The following KCNN2 variants were observed in gnomAD, a reference collection of about 807,000 sequenced individuals.
KCNN2 encodes potassium calcium-activated channel subfamily N member 2.
KCNN2 carries 24 observed loss-of-function variants against 55.5 expected under a neutral mutation model. The observed-to-expected ratio is 0.43, with a 90% confidence interval of 0.31 to 0.61. The LOEUF (loss-of-function observed/expected upper bound fraction) is 0.61, where lower values mean the gene tolerates loss of function less well. Ranked by LOEUF, KCNN2 falls within the 20% of genes least tolerant of loss-of-function variation. KCNN2 has a pLI of 0.08. For synonymous variants in KCNN2, 431 were observed against 336.1 expected, an observed-to-expected ratio of 1.28 and a Z score of -3.09; for missense variants, 754 against 853.6, an observed-to-expected ratio of 0.88 and a Z score of 1.45.
At chr5:114,424,280 T>C (rs752071938) in intron 3 of KCNN2, among the ~76,000 whole-genome samples, 3 of 152,198 alleles carry the variant, frequency 2.0e-5, no homozygotes, top group Non-Finnish European at 4.4e-5. Flanking sequence ...CCTGCAGGCT[T>C]GTTAAAAAGG....
chr5:114,082,680 T>C (rs1049757718), intron 1 of KCNN2, among the ~76,000 whole-genome samples: 4 of 152,148 alleles, frequency 2.6e-5, no homozygotes, highest in African/African-American at 9.7e-5. Flanking sequence ...TAAGTAACCA[T>C]CAGCAGATGA....
intron 2 of KCNN2, among the ~76,000 whole-genome samples, chr5:114,259,867 A>G (rs1213632157): frequency 6.6e-6 from 1 of 152,144 alleles, no homozygotes; most frequent in Non-Finnish European, 1.5e-5. Context: ...TTGATAGGCT[A>G]TTCAACTTAT....
At chr5:114,212,464 T>C (rs1212825902) in intron 1 of KCNN2, among the ~76,000 whole-genome samples, 1 of 152,090 alleles carries the variant, frequency 6.6e-6, no homozygotes, top group Non-Finnish European at 1.5e-5. Flanking sequence ...GTGGCGATGG[T>C]TAAACAATCT....
chr5:114,157,650 C>A (rs956543594), intron 1 of KCNN2, among the ~76,000 whole-genome samples: 2 of 152,170 alleles, frequency 1.3e-5, no homozygotes, highest in African/African-American at 4.8e-5. Flanking sequence ...TGTTTCTCCA[C>A]ATCCTCTCCA....
intron 2 of KCNN2, among the ~76,000 whole-genome samples, chr5:114,388,970 A>G (rs1451943477): frequency 1.3e-5 from 2 of 152,112 alleles, no homozygotes; most frequent in Non-Finnish European, 2.9e-5. Flanking sequence ...GAGGCTTTGC[A>G]TTGTGTTGTA....
chr5:114,414,813 AAAC>A (rs1759256019), intron 3 of KCNN2, among the ~76,000 whole-genome samples: 1 of 152,198 alleles, frequency 6.6e-6, no homozygotes, highest in African/African-American at 2.4e-5. Context: ...TCATTTTTTA[AAAC>A]AACTTTATTG....
At position 114,436,342 on chromosome 5, in the gene KCNN2, G is replaced by T. The variant is rs566160804; in HGVS notation, c.1638-26707G>T. Among the ~76,000 whole-genome samples the T allele has an allele frequency of 1.4e-3, 210 of 152,306 alleles. 1 individual carries two copies. The highest frequency in any genetic ancestry group is 4.7e-3 in the African/African-American group (195 of 41,578). ...CAACTATGAGATAGTCTGTAACACA[G>T]TTTTTTGGATTTTAGTGTATAATCA... On this transcript the variant is annotated intron_variant, in intron 3 of 7. Coordinates refer to ENST00000673685, the MANE Select transcript of KCNN2 (RefSeq NM_021614.4).
intron 2 of KCNN2, among the ~76,000 whole-genome samples, chr5:114,228,527 G>T (rs984523951): frequency 2.0e-5 from 3 of 151,966 alleles, no homozygotes; most frequent in African/African-American, 7.2e-5. Flanking sequence ...CTGCTTCTGG[G>T]AAAAATGCAG....
intron 2 of KCNN2, among the ~76,000 whole-genome samples, chr5:114,373,650 A>ATT (rs1757838743): frequency 1.1e-4 from 12 of 110,472 alleles, no homozygotes; most frequent in Non-Finnish European, 2.1e-4. Flanking sequence ...TTATATATAT[A>ATT]TATATATAAA....
At chr5:114,319,888 ACT>A (rs1234954187) in intron 2 of KCNN2, among the ~76,000 whole-genome samples, 1 of 151,854 alleles carries the variant, frequency 6.6e-6, no homozygotes, top group East Asian at 1.9e-4. Context: ...GCTTACAGAA[ACT>A]CTCCATTTTC....
chr5:114,096,295 C>T (rs987023630), intron 1 of KCNN2, among the ~76,000 whole-genome samples: 9 of 152,066 alleles, frequency 5.9e-5, no homozygotes, highest in Admixed American at 1.3e-4. Flanking sequence ...GCAATCTATT[C>T]GTATATGGAG....
intron 3 of KCNN2, among the ~76,000 whole-genome samples, chr5:114,450,010 C>T (rs575837578): frequency 2.4e-4 from 36 of 152,272 alleles, no homozygotes; most frequent in African/African-American, 7.0e-4. Context: ...TCACAGCCCT[C>T]CTCTAGCACT....
intron 6 of KCNN2, among the ~76,000 whole-genome samples, chr5:114,490,247 C>T (rs559780454): frequency 6.6e-6 from 1 of 152,310 alleles, no homozygotes; most frequent in South Asian, 2.1e-4. Context: ...GATTACCTGC[C>T]TTTCAGAAAC....
chr5:114,404,954 T>A (rs975355069), intron 3 of KCNN2, 98 bp downstream of exon 3: 6 of 1,084,898 alleles, frequency 5.5e-6, no homozygotes, highest in Non-Finnish European at 8.0e-6. Flanking sequence ...AGTGTCTCAC[T>A]CTTAAAAATT....
At chr5:114,251,956 G>GCAAC (rs1754872891) in intron 2 of KCNN2, among the ~76,000 whole-genome samples, 1 of 146,244 alleles carries the variant, frequency 6.8e-6, no homozygotes, top group Non-Finnish European at 1.5e-5. Flanking sequence ...TTGGCTCACT[G>GCAAC]CAACCTCTGC....
rs201791867 is a variant in KCNN2, at chr5:114,209,907, A to T, written c.-270-11573A>T. 5.3e-5 allele frequency among the ~76,000 whole-genome samples: 8 copies of T among 149,884 alleles called. No individual in the cohort carries two copies. In the East Asian group the frequency reaches 1.6e-3, roughly 31 times the overall value. ...TCCTTATTTGTGAATTCACCTACTC[A>T]CTAAAATTTTTATTATCCTAAAATC... On this transcript the variant is annotated intron_variant, in intron 1 of 10. Coordinates refer to the KCNN2 transcript ENST00000512097.
chr5:114,273,099 T>C (rs1266177857), intron 2 of KCNN2, among the ~76,000 whole-genome samples: 1 of 152,136 alleles, frequency 6.6e-6, no homozygotes, highest in Non-Finnish European at 1.5e-5. Flanking sequence ...ATTGTTCAAC[T>C]CCCACTTATG....
At chr5:114,101,925 T>A (rs533308890) in intron 1 of KCNN2, among the ~76,000 whole-genome samples, 2 of 152,292 alleles carry the variant, frequency 1.3e-5, no homozygotes, top group East Asian at 3.9e-4. Context: ...GTAGAATGAT[T>A]TATAATCCTT....
intron 1 of KCNN2, among the ~76,000 whole-genome samples, chr5:114,080,188 A>G (rs1750779465): frequency 2.0e-5 from 3 of 152,176 alleles, no homozygotes; most frequent in African/African-American, 7.2e-5. Context: ...ATTCTACCGA[A>G]TGGTTGTGGA....
Sources: gnomAD v4.1 joint callset for allele counts (sites outside exome capture counted in the v4.1 genomes callset) on GRCh38, gnomAD v4.1.1 for gene constraint, MANE v1.5 for transcripts, NCBI Gene and HGNC (gene_info 2026-07-23, HGNC 2026-07-21) for gene names.